The following SYNE1 variants were observed in gnomAD, a reference collection of about 807,000 sequenced individuals.
SYNE1 encodes spectrin repeat containing nuclear envelope protein 1, also known as nesprin-1.
In SYNE1, 616 loss-of-function variants were observed where a neutral mutation model predicts 1,111.0. That is an observed-to-expected ratio of 0.55 (90% CI 0.52 to 0.59). SYNE1 has a LOEUF of 0.59. Among genes scored for constraint, SYNE1 ranks in the 20% least tolerant of loss-of-function variants. The pLI is 0.00. For synonymous variants in SYNE1, 3,855 were observed against 3,825.8 expected, an observed-to-expected ratio of 1.01 and a Z score of -0.28; for missense variants, 10,006 against 10,417.0, an observed-to-expected ratio of 0.96 and a Z score of 1.72.
At position 152,636,702 on chromosome 6, in the gene SYNE1, C is replaced by G. The variant is rs1252597441; in HGVS notation, c.-288G>C. ...GAAGCGAGCGAACGCTTCCTCCCGGCTCTCTGCGCCCAGGCTCGGCGGGAC... is the reference window on the plus strand; with the variant it reads ...GAAGCGAGCGAACGCTTCCTCCCGGGTCTCTGCGCCCAGGCTCGGCGGGAC... On this transcript the variant is annotated 5_prime_UTR_variant, in exon 2 of 146. Transcript: ENST00000367255. The G allele has an allele frequency of 6.6e-6, 1 of 152,418 alleles. No individual in the cohort carries two copies. The highest frequency in any genetic ancestry group is 1.5e-5 in the Non-Finnish European group (1 of 68,136). The allele number at this position is 152,418 out of a possible 1,614,324, so 9.4% of individuals were successfully genotyped here. A position where few individuals can be genotyped will look rare whatever the true frequency, so the allele number is the denominator to read the frequency against.
At chr6:152,414,692 T>G (rs1015581011) in intron 41 of SYNE1, among the ~76,000 whole-genome samples, 4 of 152,076 alleles carry the variant, frequency 2.6e-5, no homozygotes, top group African/African-American at 9.7e-5. Flanking sequence ...GTGAGTGCAG[T>G]GTTGTGGGTA....
chr6:152,511,576 A>G, intron 6 of SYNE1: 1 of 1,612,854 alleles, frequency 6.2e-7, no homozygotes, highest in Non-Finnish European at 8.5e-7. Flanking sequence ...CTAACCGGTG[A>G]TCCTCTGTGC....
chr6:152,241,333 A>G (rs549841584), intron 107 of SYNE1, among the ~76,000 whole-genome samples: 1 of 131,838 alleles, frequency 7.6e-6, no homozygotes, highest in Non-Finnish European at 1.7e-5. Flanking sequence ...GACAAAAAAA[A>G]CCCACCTTTA....
chr6:152,405,394 C>T (rs150702075), intron 45 of SYNE1, among the ~76,000 whole-genome samples: 11 of 152,254 alleles, frequency 7.2e-5, no homozygotes, highest in East Asian at 1.9e-4. Context: ...TACAACATGA[C>T]GTCACAGAAC....
chr6:152,457,572 A>T (rs1209095033), intron 22 of SYNE1, among the ~76,000 whole-genome samples: 1 of 152,218 alleles, frequency 6.6e-6, no homozygotes, highest in Non-Finnish European at 1.5e-5. Context: ...ACAAAGAAAA[A>T]TGATTATCAC....
At chr6:152,206,034 AAC>A (rs1180021580) in intron 126 of SYNE1, 132 bp downstream of exon 126, 16 of 995,950 alleles carry the variant, frequency 1.6e-5, no homozygotes, top group East Asian at 2.6e-5. Flanking sequence ...TCTTAAATAA[AAC>A]ACAGAGAATC....
chr6:152,509,155 G>C (rs1209057098), intron 8 of SYNE1, among the ~76,000 whole-genome samples: 1 of 151,506 alleles, frequency 6.6e-6, no homozygotes, highest in Non-Finnish European at 1.5e-5. Context: ...GATCACATCA[G>C]ACTACAAAAT....
At chr6:152,290,241 C>A (rs973743263) in intron 95 of SYNE1, among the ~76,000 whole-genome samples, 7 of 152,130 alleles carry the variant, frequency 4.6e-5, no homozygotes, top group Non-Finnish European at 1.5e-5. Flanking sequence ...AGCTCATGAA[C>A]TGCATTCAAA....
intron 127 of SYNE1, among the ~76,000 whole-genome samples, chr6:152,190,430 A>G (rs1226960142): frequency 6.6e-6 from 1 of 152,146 alleles, no homozygotes; most frequent in Non-Finnish European, 1.5e-5. Context: ...TGAATCATGA[A>G]TGTTGCTTTT....
At chr6:152,440,450 A>G (rs1327908329) in intron 32 of SYNE1, among the ~76,000 whole-genome samples, 1 of 152,184 alleles carries the variant, frequency 6.6e-6, no homozygotes, top group African/African-American at 2.4e-5. Flanking sequence ...ATTCCTATTC[A>G]GAACACTTGT....
Position 152,352,132 on chromosome 6 carries a change from G to C in SYNE1, c.11475C>G (p.Cys3825Trp), listed in dbSNP as rs146919170. 2.1e-5 allele frequency: 34 copies of C among 1,614,050 alleles called. No homozygotes were observed. In the African/African-American group the frequency reaches 2.5e-4, roughly 12 times the overall value. ...LHLAKEFSDK[C>W]KALTQWIAEY... Reference sequence around the variant, plus strand: ...CTGCTATCCACTGTGTCAGTGCTTTGCATTTATCTGAGAATTCCTTTGCTA... The same window carrying C: ...CTGCTATCCACTGTGTCAGTGCTTTCCATTTATCTGAGAATTCCTTTGCTA... The change falls in exon 70 of 146, where the codon TGC (cysteine) becomes TGG (tryptophan). Residue 3825 changes from cysteine (C) to tryptophan (W), a missense_variant. Coordinates refer to ENST00000367255, the MANE Select transcript of SYNE1 (RefSeq NM_182961.4).
At chr6:152,528,380 A>G (rs1225248809) in intron 4 of SYNE1, among the ~76,000 whole-genome samples, 1 of 152,208 alleles carries the variant, frequency 6.6e-6, no homozygotes, top group African/African-American at 2.4e-5. Flanking sequence ...GAATAAAAAA[A>G]ATTAGTAATT....
At chr6:152,290,394 T>C (rs1470752514) in intron 95 of SYNE1, among the ~76,000 whole-genome samples, 1 of 152,136 alleles carries the variant, frequency 6.6e-6, no homozygotes, top group African/African-American at 2.4e-5. Flanking sequence ...TCATCTCTAC[T>C]AAAAATACAA....
chr6:152,439,468 A>G (rs534134381), intron 32 of SYNE1, among the ~76,000 whole-genome samples: 1 of 152,302 alleles, frequency 6.6e-6, no homozygotes, highest in Admixed American at 6.5e-5. Flanking sequence ...GCCTCAAGCA[A>G]TCCTCCCATC....
intron 13 of SYNE1, 26 bp downstream of exon 13, chr6:152,484,809 G>A (rs769114444): frequency 1.2e-6 from 2 of 1,612,050 alleles, no homozygotes; most frequent in East Asian, 4.5e-5. Context: ...ATTAAGCTCA[G>A]TATAACTAAT....
chr6:152,179,673 CTTTTTTTTTT>C (rs796260764), intron 129 of SYNE1, among the ~76,000 whole-genome samples: 4,110 of 54,806 alleles, frequency 0.075, 34 homozygotes, highest in African/African-American at 0.11. Context: ...GCTGGATATC[CTTTTTTTTTT>C]TTTTTTTTTT....
intron 127 of SYNE1, among the ~76,000 whole-genome samples, chr6:152,190,480 G>T (rs1290198022): frequency 6.6e-6 from 1 of 152,110 alleles, no homozygotes; most frequent in African/African-American, 2.4e-5. Context: ...TGGGTACATA[G>T]TAGGTGTACA....
chr6:152,307,224 A>G (rs1029744658), intron 91 of SYNE1, among the ~76,000 whole-genome samples: 3 of 152,216 alleles, frequency 2.0e-5, no homozygotes, highest in Non-Finnish European at 4.4e-5. Context: ...GTAAATGTAG[A>G]TGGGATATTT....
At chr6:152,462,697 C>T in intron 20 of SYNE1, 41 bp downstream of exon 20, 2 of 1,613,090 alleles carry the variant, frequency 1.2e-6, no homozygotes, top group South Asian at 2.2e-5. Context: ...TTTCCTCTCA[C>T]AACAGAGTAG....
Sources: gnomAD v4.1 joint callset for allele counts (sites outside exome capture counted in the v4.1 genomes callset) on GRCh38, gnomAD v4.1.1 for gene constraint, MANE v1.5 for transcripts, NCBI Gene and HGNC (gene_info 2026-07-23, HGNC 2026-07-21) for gene names.